The following BCR variants were observed in gnomAD, a reference collection of about 807,000 sequenced individuals.
The protein encoded by BCR is BCR activator of RhoGEF and GTPase.
Under a neutral mutation model 138.6 loss-of-function variants are expected in BCR, and 58 were observed. The observed-to-expected ratio is 0.42, with a 90% CI of 0.34 to 0.52. The LOEUF is 0.52. Ranked by LOEUF, BCR falls within the 20% of genes least tolerant of loss-of-function variation. The pLI is 0.06. For synonymous variants in BCR, 786 were observed against 730.1 expected, an observed-to-expected ratio of 1.08 and a Z score of -1.23; for missense variants, 1,599 against 1,727.2, an observed-to-expected ratio of 0.93 and a Z score of 1.32.
chr22:23,219,232 T>C (rs1286273404), intron 1 of BCR, among the ~76,000 whole-genome samples: 1 of 152,226 alleles, frequency 6.6e-6, no homozygotes, highest in Non-Finnish European at 1.5e-5. Flanking sequence ...TAGGTGCTTC[T>C]CAAGGCTGAA....
At chr22:23,292,320 G>T (rs923529378) in intron 14 of BCR, among the ~76,000 whole-genome samples, 2 of 152,238 alleles carry the variant, frequency 1.3e-5, no homozygotes, top group African/African-American at 4.8e-5. Flanking sequence ...CCGTTTCCCA[G>T]CCGCACCCAG....
chr22:23,217,375 A>G (rs543882214), intron 1 of BCR, among the ~76,000 whole-genome samples: 2 of 152,358 alleles, frequency 1.3e-5, no homozygotes, highest in Admixed American at 1.3e-4. Flanking sequence ...GAAGACATCC[A>G]GAGATAGTGA....
chr22:23,228,304 A>G (rs1470587559), intron 1 of BCR, among the ~76,000 whole-genome samples: 1 of 152,170 alleles, frequency 6.6e-6, no homozygotes, highest in Non-Finnish European at 1.5e-5. Flanking sequence ...CAGTCATTCC[A>G]AACCAGTTTC....
rs148871991 is a variant in BCR at position 23,315,845 on chromosome 22, T to C, written c.*323T>C. 4,614 of 448,528 alleles carry C rather than the reference T, an allele frequency of 0.01. 214 individuals are homozygous for C. In the Admixed American group the frequency reaches 0.11, roughly 11 times the overall value. 27.8% of individuals were successfully genotyped at this position (448,528 alleles called of 1,614,324 possible). A position where few individuals can be genotyped will look rare whatever the true frequency, so the allele number is the denominator to read the frequency against. On this transcript the variant is annotated 3_prime_UTR_variant, in exon 23 of 23. Coordinates refer to ENST00000305877, the MANE Select transcript of BCR (RefSeq NM_004327.4). ...GTTTTTATGAACTTAACTTAGAGTC[T>C]AAAAGATTTCTACTGGATCACTTGT...
rs560184145 is a variant in BCR, at chr22:23,309,669, T to C, written c.3072+186T>C. On this transcript the variant is annotated intron_variant, in intron 17 of 22. Coordinates refer to ENST00000305877, the MANE Select transcript of BCR (RefSeq NM_004327.4). The stretch of plus-strand genomic sequence containing the variant: ...GGGAATCGTCATTCATTGGCTGGAA[T>C]GCAGTTGCCAGCCAGGCCCTGAGCA... 3.9e-4 allele frequency: 232 copies of C among 598,882 alleles called. 1 individual carries two copies. The Middle Eastern group carries it at 4.1e-3, about 10-fold the overall frequency. The allele number at this position is 598,882 out of a possible 1,614,324, so 37.1% of individuals were successfully genotyped here. A position where few individuals can be genotyped will look rare whatever the true frequency, so the allele number is the denominator to read the frequency against.
rs904005714 is a variant in BCR at position 23,254,045 on chromosome 22, G to A, written c.1461+65G>A. ...GAGGCTCCCTGAAGCGCAGCCCCATGCTCAGGGGTATGTAGCAGGTAGGTG... is the reference window on the plus strand; with the variant it reads ...GAGGCTCCCTGAAGCGCAGCCCCATACTCAGGGGTATGTAGCAGGTAGGTG... On this transcript the variant is annotated intron_variant, in intron 2 of 22. Transcript: ENST00000305877. 23 of 1,508,196 alleles carry A rather than the reference G, an allele frequency of 1.5e-5. No homozygotes were observed. In the Middle Eastern group the frequency reaches 7.1e-4, roughly 46 times the overall value. 93.4% of individuals were successfully genotyped at this position (1,508,196 alleles called of 1,614,324 possible). A position where few individuals can be genotyped will look rare whatever the true frequency, so the allele number is the denominator to read the frequency against.
At chr22:23,261,699 T>A in intron 4 of BCR, 159 bp downstream of exon 4, 2 of 695,304 alleles carry the variant, frequency 2.9e-6, no homozygotes, top group Non-Finnish European at 4.5e-6. Context: ...CCCAAAGTAC[T>A]GAGATTACAG....
chr22:23,266,674 G>T (rs977257893), intron 4 of BCR, among the ~76,000 whole-genome samples: 1 of 152,218 alleles, frequency 6.6e-6, no homozygotes, highest in Non-Finnish European at 1.5e-5. Flanking sequence ...ACAGGCCGCC[G>T]TGCCCAGACA....
chr22:23,186,567 C>G (rs888290782), intron 1 of BCR, among the ~76,000 whole-genome samples: 1 of 152,202 alleles, frequency 6.6e-6, no homozygotes, highest in Non-Finnish European at 1.5e-5. Flanking sequence ...GCCCCCAGCC[C>G]CTGGCACTGC....
intron 1 of BCR, among the ~76,000 whole-genome samples, chr22:23,241,012 C>T (rs1261301383): frequency 6.6e-6 from 1 of 152,222 alleles, no homozygotes; most frequent in Admixed American, 6.5e-5. Context: ...TCAGAGTTTC[C>T]TTCCTTTTTG....
At chr22:23,312,848 A>G (rs2146330400) in intron 19 of BCR, 39 bp from the exon 20 acceptor site, 1 of 1,595,778 alleles carries the variant, frequency 6.3e-7, no homozygotes, top group East Asian at 2.2e-5. Flanking sequence ...CTCACTCGGG[A>G]TCCTCAAGGA....
Position 23,292,651 on chromosome 22 carries a change from T to G in BCR, c.2880+13T>G. 2 of 1,596,726 alleles carry G rather than the reference T, an allele frequency of 1.3e-6. No homozygotes were observed. The highest frequency in any genetic ancestry group is 8.6e-7 in the Non-Finnish European group (1 of 1,166,754). On this transcript the variant is annotated intron_variant, in intron 15 of 22. Coordinates refer to ENST00000305877, the MANE Select transcript of BCR (RefSeq NM_004327.4). The stretch of plus-strand genomic sequence containing the variant: ...AAACTGGAACGAGGTGAGGAACTGA[T>G]TCCACAAGGGCCCAGCCTGCCAGGT...
chr22:23,282,767 C>T (rs937080032), intron 8 of BCR, among the ~76,000 whole-genome samples: 1 of 152,212 alleles, frequency 6.6e-6, no homozygotes, highest in Non-Finnish European at 1.5e-5. Flanking sequence ...TTGTATGTGC[C>T]TCCCCTGCCA....
At chr22:23,268,278 A>G in intron 4 of BCR, 130 bp from the exon 5 acceptor site, 2 of 663,152 alleles carry the variant, frequency 3.0e-6, no homozygotes, top group Admixed American at 3.2e-5. Flanking sequence ...GGAAGCGCCG[A>G]GGCCTCTGCA....
intron 1 of BCR, among the ~76,000 whole-genome samples, chr22:23,223,149 G>A (rs2072846416): frequency 6.6e-6 from 1 of 152,160 alleles, no homozygotes; most frequent in Admixed American, 6.5e-5. Context: ...TTGGGGGTTA[G>A]ACTTTAACAT....
At chr22:23,291,029 G>A (rs7289175) in intron 14 of BCR, 4,302 of 154,356 alleles carry the variant, frequency 0.028, 218 homozygotes, top group African/African-American at 0.098. Flanking sequence ...CCAACATGGT[G>A]AAACCCTGTG....
chr22:23,277,887 GCTCC>G (rs1160395210), intron 8 of BCR, among the ~76,000 whole-genome samples: 3 of 152,174 alleles, frequency 2.0e-5, no homozygotes, highest in Non-Finnish European at 4.4e-5. Flanking sequence ...GCCGGCAGGT[GCTCC>G]AGCTTCCTGG....
At chr22:23,280,662 G>A (rs2073633262) in intron 8 of BCR, among the ~76,000 whole-genome samples, 2 of 152,242 alleles carry the variant, frequency 1.3e-5, no homozygotes, top group Admixed American at 6.5e-5. Flanking sequence ...CAGAGAAGGA[G>A]AAGGGTGGGC....
intron 2 of BCR, chr22:23,254,608 G>A: frequency 1.9e-6 from 1 of 518,928 alleles, no homozygotes; most frequent in Non-Finnish European, 3.8e-6. Context: ...GCTGGTTGCA[G>A]GCTGGATGGT....
Sources: gnomAD v4.1 joint callset for allele counts (sites outside exome capture counted in the v4.1 genomes callset) on GRCh38, gnomAD v4.1.1 for gene constraint, MANE v1.5 for transcripts, NCBI Gene and HGNC (gene_info 2026-07-23, HGNC 2026-07-21) for gene names.